Variants in CACNA1B observed in about 807,000 individuals in gnomAD.
CACNA1B encodes voltage-dependent N-type calcium channel subunit alpha-1B.
CACNA1B carries 70 observed loss-of-function variants against 247.2 expected under a neutral mutation model. That is an observed-to-expected ratio of 0.28 (90% CI 0.23 to 0.35). CACNA1B has a LOEUF of 0.35. CACNA1B is among the 10% of genes least tolerant of loss of function. CACNA1B has a pLI of 1.00. For synonymous variants in CACNA1B, 1,231 were observed against 1,294.4 expected, an observed-to-expected ratio of 0.95 and a Z score of 1.05; for missense variants, 2,367 against 3,197.4, an observed-to-expected ratio of 0.74 and a Z score of 6.26.
At chr9:138,053,716 C>A in intron 25 of CACNA1B, 130 bp from the exon 26 acceptor site, 2 of 650,904 alleles carry the variant, frequency 3.1e-6, no homozygotes, top group Non-Finnish European at 5.6e-6. Flanking sequence ...TACGGCCATG[C>A]CCTCCCACCT....
intron 45 of CACNA1B, 97 bp downstream of exon 45, chr9:138,120,469 C>T (rs549054041): frequency 5.0e-6 from 7 of 1,407,708 alleles, no homozygotes; most frequent in Middle Eastern, 2.6e-4. Flanking sequence ...TTGTGGGCCT[C>T]GTGACCCCAT....
intron 3 of CACNA1B, among the ~76,000 whole-genome samples, chr9:137,912,092 A>G (rs191981576): frequency 6.6e-6 from 1 of 152,354 alleles, no homozygotes; most frequent in Non-Finnish European, 1.5e-5. Flanking sequence ...TAGTTGTGTA[A>G]TGTTTCATAT....
chr9:138,055,947 A>G (rs1312796128), intron 26 of CACNA1B, among the ~76,000 whole-genome samples: 8 of 151,888 alleles, frequency 5.3e-5, no homozygotes, highest in Admixed American at 3.9e-4. Context: ...AATCGCTTGA[A>G]CCTGGAAGGC....
rs372695242 is a variant in CACNA1B at position 138,078,156 on chromosome 9, C to T, written c.4992C>T (p.Cys1664=). Residue 1664 remains cysteine, a synonymous_variant, in exon 36 of 47, where the codon TGC becomes TGT. Coordinates refer to ENST00000371372, the MANE Select transcript of CACNA1B (RefSeq NM_000718.4). ...CCTGGCACGAGATCATGCTGTCCTG[C>T]CTGAGCAACCAGGCCTGTGATGAGC... ...GEAWHEIMLS[C]LSNQACDEQA... is the part of the protein sequence containing the mutation. 9.9e-6 allele frequency: 16 copies of T among 1,613,842 alleles called. No individual in the cohort carries two copies. Among genetic ancestry groups the T allele is most frequent in the African/African-American group, 1.3e-5 (1 of 74,928 alleles).
intron 40 of CACNA1B, among the ~76,000 whole-genome samples, chr9:138,112,744 T>A (rs1961686211): frequency 6.6e-6 from 1 of 152,228 alleles, no homozygotes; most frequent in South Asian, 2.1e-4. Flanking sequence ...TTATTTTTTT[T>A]AAATCCAGAG....
Position 137,971,038 on chromosome 9 carries a change from T to A in CACNA1B, c.1334-345T>A, listed in dbSNP as rs547389718. Reference sequence around the variant, plus strand: ...GATCTGGGGAGGGACTAACTCAGATTTATGTCTTCAGGGGAAAAAGCTTGG... The same window carrying A: ...GATCTGGGGAGGGACTAACTCAGATATATGTCTTCAGGGGAAAAAGCTTGG... On this transcript the variant is annotated intron_variant, in intron 10 of 46. Transcript: ENST00000371372. The surrounding 1 kb of genome is among the most constrained non-coding windows in gnomAD (Gnocchi z 4.4). 6.6e-6 allele frequency among the ~76,000 whole-genome samples: 1 copy of A among 152,130 alleles called. No homozygotes were observed. Among genetic ancestry groups the A allele is most frequent in the African/African-American group, 2.4e-5 (1 of 41,500 alleles).
At chr9:137,908,751 C>CT (rs1957325561) in intron 3 of CACNA1B, among the ~76,000 whole-genome samples, 2 of 151,356 alleles carry the variant, frequency 1.3e-5, no homozygotes, top group Admixed American at 6.6e-5. Context: ...CTGCCTCAGC[C>CT]TTCCGAGTAG....
intron 38 of CACNA1B, among the ~76,000 whole-genome samples, chr9:138,104,439 G>A (rs534978414): frequency 6.6e-6 from 1 of 152,240 alleles, no homozygotes; most frequent in Non-Finnish European, 1.5e-5. Context: ...CGCCATTCAT[G>A]CTGGTCTGCA....
rs376165496 is a variant in CACNA1B, at chr9:138,050,260, C to T, written c.3710+945C>T. ...GGGGTTCCTGCCATGCCTCTGGGAG[C>T]GGGGCGGGGAGCTGGGCTGGAGCTG... On this transcript the variant is annotated intron_variant, in intron 24 of 46. Coordinates refer to ENST00000371372, the MANE Select transcript of CACNA1B (RefSeq NM_000718.4). The surrounding 1 kb of genome is among the most constrained non-coding windows in gnomAD (Gnocchi z 5.2). Among the ~76,000 whole-genome samples, 23 of 152,262 alleles carry T rather than the reference C, an allele frequency of 1.5e-4. No individual in the cohort carries two copies. The East Asian group carries it at 2.9e-3, about 19-fold the overall frequency.
At chr9:138,041,516 A>G (rs1173092691) in intron 20 of CACNA1B, among the ~76,000 whole-genome samples, 1 of 151,632 alleles carries the variant, frequency 6.6e-6, no homozygotes, top group Non-Finnish European at 1.5e-5. Flanking sequence ...TTCTCCAACA[A>G]TGACTTTAGT....
At position 137,975,890 on chromosome 9, in the gene CACNA1B, TCTC is replaced by T; in HGVS notation, c.1544-15_1544-13del. On this transcript the variant is annotated splice_polypyrimidine_tract_variant and intron_variant, in intron 11 of 46. Transcript: ENST00000371372. Reference sequence around the variant, plus strand: ...GGAGGCCTCGAGCTAATCCCCCTCTTCTCCGGCTTCTCCTAGATTTTGCAGAGT... The same window carrying T: ...GGAGGCCTCGAGCTAATCCCCCTCTTCGGCTTCTCCTAGATTTTGCAGAGT... The T allele has an allele frequency of 6.6e-7, 1 of 1,520,056 alleles. No individual in the cohort carries two copies. Among genetic ancestry groups the T allele is most frequent in the Non-Finnish European group, 9.1e-7 (1 of 1,097,018 alleles). The allele number at this position is 1,520,056 out of a possible 1,614,324, so 94.2% of individuals were successfully genotyped here.
chr9:137,915,212 C>T (rs1265179198), intron 5 of CACNA1B, among the ~76,000 whole-genome samples: 3 of 152,106 alleles, frequency 2.0e-5, no homozygotes, highest in Non-Finnish European at 4.4e-5. Flanking sequence ...TGCGGAGCAG[C>T]GAGAACAAGA....
chr9:137,903,304 T>C (rs924585878), intron 3 of CACNA1B, among the ~76,000 whole-genome samples: 1 of 152,190 alleles, frequency 6.6e-6, no homozygotes, highest in Non-Finnish European at 1.5e-5. Context: ...GAGAATCACT[T>C]GAACCCAGGA....
At chr9:138,094,878 CA>C (rs1392117425) in intron 36 of CACNA1B, among the ~76,000 whole-genome samples, 1 of 152,134 alleles carries the variant, frequency 6.6e-6, no homozygotes, top group Non-Finnish European at 1.5e-5. Flanking sequence ...ATAATCTTTT[CA>C]ACAAATAATA....
intron 31 of CACNA1B, among the ~76,000 whole-genome samples, chr9:138,063,228 C>T (rs1959795953): frequency 6.6e-6 from 1 of 151,954 alleles, no homozygotes; most frequent in Non-Finnish European, 1.5e-5. Flanking sequence ...GCACAGTGGC[C>T]ACACCTGTGA....
chr9:138,097,381 G>C (rs998256535), intron 37 of CACNA1B, among the ~76,000 whole-genome samples: 4 of 152,168 alleles, frequency 2.6e-5, no homozygotes, highest in African/African-American at 9.7e-5. Context: ...TGGCATCTCA[G>C]CAGGGCTGAG....
rs1424049353 is a variant in CACNA1B, at chr9:138,050,846, G to A, written c.3711-1246G>A. Reference sequence around the variant, plus strand: ...GAGGCTGGGTTCTTCCCACCTGGAAGCGTTTCAGGGGGAGTTTGATCTGAT... The same window carrying A: ...GAGGCTGGGTTCTTCCCACCTGGAAACGTTTCAGGGGGAGTTTGATCTGAT... On this transcript the variant is annotated intron_variant, in intron 24 of 46. Transcript: ENST00000371372. The surrounding 1 kb of genome is among the most constrained non-coding windows in gnomAD (Gnocchi z 5.2). Among the ~76,000 whole-genome samples, 2 of 152,210 alleles carry A rather than the reference G, an allele frequency of 1.3e-5. No homozygotes were observed. The highest frequency in any genetic ancestry group is 3.9e-4 in the East Asian group (2 of 5,188).
chr9:138,070,699 C>T (rs963246158), intron 32 of CACNA1B, among the ~76,000 whole-genome samples: 7 of 152,248 alleles, frequency 4.6e-5, no homozygotes, highest in African/African-American at 9.6e-5. Flanking sequence ...GTCATCTGCA[C>T]GCATCCAGCT....
In CACNA1B at chr9:138,058,275, T is replaced by G; in HGVS notation, c.4308+25T>G. 3 of 1,574,760 alleles carry G rather than the reference T, an allele frequency of 1.9e-6. No homozygotes were observed. The South Asian group carries it at 3.3e-5, about 17-fold the overall frequency. On this transcript the variant is annotated intron_variant, in intron 28 of 46. Coordinates refer to ENST00000371372, the MANE Select transcript of CACNA1B (RefSeq NM_000718.4). This position sits in a 1 kb window ranked among gnomAD's most constrained non-coding sequence, Gnocchi z 4.7. Reference sequence around the variant, plus strand: ...GGTAGGTGGACGCTCTGTGGAGTCTTGCAGTGGACAGCGTGGGCAGCGCCA... The same window carrying G: ...GGTAGGTGGACGCTCTGTGGAGTCTGGCAGTGGACAGCGTGGGCAGCGCCA...
Sources: allele counts gnomAD v4.1 joint callset (sites outside exome capture counted in the v4.1 genomes callset), GRCh38; gene constraint gnomAD v4.1.1; non-coding constraint Gnocchi (gnomAD v3.1); transcripts MANE v1.5; gene names NCBI Gene and HGNC (gene_info 2026-07-23, HGNC 2026-07-21).